ADAMTS19: variants seen among roughly 807,000 people sequenced by gnomAD.
ADAMTS19 encodes ADAM metallopeptidase with thrombospondin type 1 motif 19.
ADAMTS19 carries 93 observed loss-of-function variants against 153.3 expected under a neutral mutation model. The ratio of observed to expected loss-of-function variants is 0.61; its 90% CI spans 0.51 to 0.72. The LOEUF (loss-of-function observed/expected upper bound fraction) is 0.72, where lower values mean the gene tolerates loss of function less well. Ranked by LOEUF, ADAMTS19 falls within the 30% of genes least tolerant of loss-of-function variation. The pLI is 0.00. For synonymous variants in ADAMTS19, 600 were observed against 556.6 expected (o/e 1.08, Z -1.10); for missense variants, 1,482 against 1,552.1 (o/e 0.95, Z 0.76).
intron 21 of ADAMTS19, among the ~76,000 whole-genome samples, chr5:129,715,593 G>A (rs576595797): frequency 5.3e-5 from 8 of 152,166 alleles, no homozygotes; most frequent in Non-Finnish European, 1.0e-4. Context: ...AAGAACTTGG[G>A]TTGATTATCT....
chr5:129,479,350 T>G (rs1387809737), intron 2 of ADAMTS19, among the ~76,000 whole-genome samples: 1 of 152,206 alleles, frequency 6.6e-6, no homozygotes. Flanking sequence ...CTTCTCTTTC[T>G]CTTTCTGTTT....
chr5:129,623,799 G>A (rs757180350), intron 10 of ADAMTS19, among the ~76,000 whole-genome samples: 5 of 151,976 alleles, frequency 3.3e-5, no homozygotes, highest in Non-Finnish European at 7.4e-5. Context: ...AATGTATGGA[G>A]TTGGAGCTGC....
intron 15 of ADAMTS19, among the ~76,000 whole-genome samples, chr5:129,665,181 G>C (rs1474821093): frequency 6.7e-6 from 1 of 149,734 alleles, no homozygotes; most frequent in Non-Finnish European, 1.5e-5. Flanking sequence ...AAGATCCACT[G>C]TGTTTCTAAC....
chr5:129,585,300 G>C (rs111833396), intron 7 of ADAMTS19, among the ~76,000 whole-genome samples: 3,285 of 151,806 alleles, frequency 0.022, 44 homozygotes, highest in South Asian at 0.048. Flanking sequence ...CACTTTCTGC[G>C]TTGATCTGGC....
At chr5:129,525,604 GA>G (rs1365320980) in intron 3 of ADAMTS19, among the ~76,000 whole-genome samples, 15 of 152,048 alleles carry the variant, frequency 9.9e-5, no homozygotes, top group African/African-American at 3.4e-4. Context: ...TGTTTTAATA[GA>G]ACATTAAACA....
At chr5:129,728,435 C>T (rs904339572) in intron 21 of ADAMTS19, among the ~76,000 whole-genome samples, 10 of 151,974 alleles carry the variant, frequency 6.6e-5, no homozygotes, top group East Asian at 3.9e-4. Context: ...ATATGTATAC[C>T]GTTCAGGACA....
chr5:129,732,042 A>G (rs915070150), intron 21 of ADAMTS19, among the ~76,000 whole-genome samples: 28 of 152,176 alleles, frequency 1.8e-4, no homozygotes, highest in South Asian at 2.1e-4. Context: ...TTTGTGTCAA[A>G]AAACAAATTT....
chr5:129,731,839 A>G (rs1757455977), intron 21 of ADAMTS19, among the ~76,000 whole-genome samples: 1 of 152,158 alleles, frequency 6.6e-6, no homozygotes, highest in Non-Finnish European at 1.5e-5. Context: ...ATACACCAAG[A>G]TAATTCATTT....
chr5:129,678,915 A>G (rs1473075688), intron 16 of ADAMTS19, among the ~76,000 whole-genome samples: 1 of 152,208 alleles, frequency 6.6e-6, no homozygotes, highest in African/African-American at 2.4e-5. Flanking sequence ...ATAGCCTTCA[A>G]TGAATCCTCA....
In ADAMTS19 at chr5:129,658,726, C is replaced by T; in HGVS notation, c.2414C>T (p.Thr805Ile). 1.9e-6 allele frequency: 3 copies of T among 1,606,040 alleles called. No homozygotes were observed. Among genetic ancestry groups the T allele is most frequent in the Non-Finnish European group, 1.7e-6 (2 of 1,176,582 alleles). The change falls in exon 15 of 23, where the codon ACC becomes ATC. Residue 805 changes from threonine to isoleucine, a missense_variant. By Grantham distance (89) the Thr-to-Ile change is moderately conservative. Around this residue, in one of 2 missense-constraint regions of ADAMTS19, gnomAD observed 616 missense variants for 724.4 expected, o/e 0.85. Transcript: ENST00000274487. Reference protein sequence around the residue: ...CKIIKGDFNHTRGAGYVEVLV... With the variant: ...CKIIKGDFNHIRGAGYVEVLV... Reference sequence around the variant, plus strand: ...ATCATTAAAGGGGATTTTAATCACACCAGAGGAGCAGGTAATTTTTCTTTA... The same window carrying T: ...ATCATTAAAGGGGATTTTAATCACATCAGAGGAGCAGGTAATTTTTCTTTA...
At chr5:129,563,561 G>T (rs527625664) in intron 7 of ADAMTS19, among the ~76,000 whole-genome samples, 2 of 152,258 alleles carry the variant, frequency 1.3e-5, no homozygotes, top group South Asian at 2.1e-4. Context: ...TGCCCACTCA[G>T]TCTAGTGGGA....
At chr5:129,561,470 A>C (rs1350568046) in intron 7 of ADAMTS19, among the ~76,000 whole-genome samples, 1 of 151,522 alleles carries the variant, frequency 6.6e-6, no homozygotes, top group Non-Finnish European at 1.5e-5. Context: ...CGGAGCTTGC[A>C]GTGAGCCGAG....
intron 16 of ADAMTS19, among the ~76,000 whole-genome samples, chr5:129,672,907 T>C (rs1754371795): frequency 6.6e-6 from 1 of 151,378 alleles, no homozygotes; most frequent in Admixed American, 6.6e-5. Context: ...ATATTCCTCT[T>C]CTTTTTGTGT....
At chr5:129,655,896 C>T (rs1753527486) in intron 14 of ADAMTS19, among the ~76,000 whole-genome samples, 1 of 152,144 alleles carries the variant, frequency 6.6e-6, no homozygotes, top group Non-Finnish European at 1.5e-5. Context: ...TATTCCTTAA[C>T]AGAATACGGC....
At position 129,536,071 on chromosome 5, in the gene ADAMTS19, T is replaced by C. The variant is rs556473530; in HGVS notation, c.1328+7394T>C. On this transcript the variant is annotated intron_variant, in intron 6 of 22. Transcript: ENST00000274487. ...GCCAAAATTGACAAATGGGACCTAA[T>C]TAAACTAAAGAGCTTCTGCACATCA... Among the ~76,000 whole-genome samples, 4 of 152,200 alleles carry C rather than the reference T, an allele frequency of 2.6e-5. 1 individual carries two copies. The South Asian group carries it at 6.2e-4, about 24-fold the overall frequency.
In ADAMTS19 at chr5:129,647,889, G is replaced by GTCCTGGGTAAACTCAAAGT. The variant is rs1267660029; in HGVS notation, c.2003+1_2003+19dup. On this transcript the variant is annotated stop_gained and frameshift_variant, in exon 12 of 23. Coordinates refer to ENST00000274487, the MANE Select transcript of ADAMTS19 (RefSeq NM_133638.6). LOFTEE classifies it high-confidence loss of function. ...GGGATCAGCAGTCGAGAGCGCAAAT[G>GTCCTGGGTAAACTCAAAGT]TCCTGGGTAAACTCAAAGTTCCTGG... 6.2e-7 allele frequency: 1 copy of GTCCTGGGTAAACTCAAAGT among 1,611,296 alleles called. No individual in the cohort carries two copies.
At chr5:129,678,625 T>C (rs1754656449) in intron 16 of ADAMTS19, among the ~76,000 whole-genome samples, 1 of 152,142 alleles carries the variant, frequency 6.6e-6, no homozygotes, top group African/African-American at 2.4e-5. Context: ...TCAGTCACTA[T>C]TATGGAAGTA....
intron 18 of ADAMTS19, among the ~76,000 whole-genome samples, chr5:129,687,890 T>C (rs1409614680): frequency 6.6e-6 from 1 of 152,192 alleles, no homozygotes; most frequent in Non-Finnish European, 1.5e-5. Context: ...ATGCTTTTAT[T>C]TTTACTTCAA....
chr5:129,729,534 A>T (rs1309261907), intron 21 of ADAMTS19, among the ~76,000 whole-genome samples: 1 of 151,974 alleles, frequency 6.6e-6, no homozygotes, highest in Non-Finnish European at 1.5e-5. Context: ...ATAATAAAGC[A>T]AATCTATTAG....
Sources: allele counts gnomAD v4.1 joint callset (sites outside exome capture counted in the v4.1 genomes callset), GRCh38; gene constraint gnomAD v4.1.1; regional missense constraint gnomAD v4.1.1; transcripts MANE v1.5; gene names NCBI Gene and HGNC (gene_info 2026-07-23, HGNC 2026-07-21).